CDH12: variants seen among roughly 807,000 people sequenced by gnomAD.
The protein encoded by CDH12 is cadherin-12.
In CDH12, 41 loss-of-function variants were observed where a neutral mutation model predicts 74.1. The observed-to-expected ratio is 0.55, with a 90% CI of 0.43 to 0.72. The LOEUF (loss-of-function observed/expected upper bound fraction) is 0.72. Ranked by LOEUF, CDH12 falls within the 30% of genes least tolerant of loss-of-function variation. CDH12 has a pLI of 0.00. For synonymous variants in CDH12, 399 were observed against 355.0 expected, an observed-to-expected ratio of 1.12 and a Z score of -1.39; for missense variants, 945 against 977.2, an observed-to-expected ratio of 0.97 and a Z score of 0.44.
intron 1 of CDH12, among the ~76,000 whole-genome samples, chr5:22,672,821 A>T (rs1740975545): frequency 6.6e-6 from 1 of 152,176 alleles, no homozygotes; most frequent in African/African-American, 2.4e-5. Flanking sequence ...CTATTCTCTT[A>T]TTGAAATACA....
intron 2 of CDH12, among the ~76,000 whole-genome samples, chr5:22,408,035 C>T (rs1743011568): frequency 6.6e-6 from 1 of 152,042 alleles, no homozygotes; most frequent in Admixed American, 6.6e-5. Flanking sequence ...TCAAAATCTT[C>T]CCATTTCAGT....
At chr5:21,986,359 A>C (rs1757515288) in intron 5 of CDH12, among the ~76,000 whole-genome samples, 1 of 152,170 alleles carries the variant, frequency 6.6e-6, no homozygotes, top group African/African-American at 2.4e-5. Context: ...TACATATAAA[A>C]GCCATCCTAT....
At chr5:21,880,418 G>A (rs1175404682) in intron 6 of CDH12, among the ~76,000 whole-genome samples, 1 of 151,874 alleles carries the variant, frequency 6.6e-6, no homozygotes, top group African/African-American at 2.4e-5. Flanking sequence ...GCACTGGGGT[G>A]CTCTATATAC....
chr5:22,560,818 T>G (rs1739016510), intron 1 of CDH12, among the ~76,000 whole-genome samples: 1 of 152,146 alleles, frequency 6.6e-6, no homozygotes, highest in African/African-American at 2.4e-5. Context: ...TTGTGAAACT[T>G]CTAAGGATCA....
At chr5:22,146,540 C>T (rs968870138) in intron 4 of CDH12, among the ~76,000 whole-genome samples, 3 of 152,022 alleles carry the variant, frequency 2.0e-5, no homozygotes, top group Admixed American at 1.3e-4. Context: ...GGCCTCTACC[C>T]CATTACGTTA....
chr5:22,229,682 T>G (rs1364229081), intron 3 of CDH12, among the ~76,000 whole-genome samples: 3 of 152,114 alleles, frequency 2.0e-5, no homozygotes, highest in African/African-American at 7.2e-5. Flanking sequence ...ATTTTTTGAT[T>G]CTTTAGGAAC....
chr5:22,640,505 A>C (rs567453124), intron 1 of CDH12, among the ~76,000 whole-genome samples: 3 of 152,268 alleles, frequency 2.0e-5, no homozygotes, highest in South Asian at 2.1e-4. Flanking sequence ...ACCCATAATT[A>C]TTTGATCATG....
At chr5:21,842,083 C>T in intron 8 of CDH12, 78 bp downstream of exon 8, 1 of 1,056,598 alleles carries the variant, frequency 9.5e-7, no homozygotes, top group Non-Finnish European at 1.4e-6. Context: ...AAATGATTGT[C>T]ATTCCCATAG....
chr5:22,852,227 A>G (rs1411574196), intron 1 of CDH12, among the ~76,000 whole-genome samples: 1 of 152,328 alleles, frequency 6.6e-6, no homozygotes, highest in Non-Finnish European at 1.5e-5. Context: ...AGAAATGTGT[A>G]TAAGAGATAT....
intron 6 of CDH12, among the ~76,000 whole-genome samples, chr5:21,945,423 C>A (rs1580000184): frequency 1.4e-4 from 2 of 14,718 alleles, no homozygotes; most frequent in Admixed American, 1.1e-3. Flanking sequence ...GAGACTGTTT[C>A]AGACAAAAAA....
chr5:22,763,679 A>T (rs1359233513), intron 1 of CDH12, among the ~76,000 whole-genome samples: 3 of 151,950 alleles, frequency 2.0e-5, no homozygotes, highest in Non-Finnish European at 4.4e-5. Context: ...AGATGGACTC[A>T]TGGGCTCTTT....
At chr5:21,850,100 G>A (rs539852763) in intron 7 of CDH12, among the ~76,000 whole-genome samples, 58 of 151,716 alleles carry the variant, frequency 3.8e-4, no homozygotes, top group African/African-American at 1.4e-3. Context: ...TCTAAAAAAA[G>A]AGGTAACACA....
chr5:21,805,623 T>C (rs1188791566), intron 9 of CDH12, among the ~76,000 whole-genome samples: 3 of 152,062 alleles, frequency 2.0e-5, no homozygotes, highest in African/African-American at 7.2e-5. Context: ...GACAAAATGG[T>C]ATATAGCTCA....
intron 5 of CDH12, among the ~76,000 whole-genome samples, chr5:22,057,573 G>A (rs1740829254): frequency 6.6e-6 from 1 of 152,166 alleles, no homozygotes; most frequent in Non-Finnish European, 1.5e-5. Flanking sequence ...AGTGAACTCT[G>A]TGGAGCCTGT....
chr5:21,892,346 T>C (rs966156154), intron 6 of CDH12, among the ~76,000 whole-genome samples: 6 of 152,150 alleles, frequency 3.9e-5, no homozygotes, highest in Admixed American at 3.9e-4. Flanking sequence ...TGATATGAAC[T>C]TTCCTAGAAT....
chr5:22,682,133 T>C (rs1741527529), intron 1 of CDH12, among the ~76,000 whole-genome samples: 1 of 152,104 alleles, frequency 6.6e-6, no homozygotes, highest in African/African-American at 2.4e-5. Context: ...CTGGCACATA[T>C]GTAATCTGGT....
chr5:22,763,420 A>C (rs555862260), intron 1 of CDH12, among the ~76,000 whole-genome samples: 5 of 152,082 alleles, frequency 3.3e-5, no homozygotes, highest in African/African-American at 9.6e-5. Flanking sequence ...CATGTACATA[A>C]TTTAATTAAC....
intron 3 of CDH12, among the ~76,000 whole-genome samples, chr5:22,302,925 T>C (rs1292937978): frequency 6.6e-6 from 1 of 152,034 alleles, no homozygotes; most frequent in African/African-American, 2.4e-5. Flanking sequence ...ATGTTAACCA[T>C]TAGAGTGAAA....
intron 3 of CDH12, among the ~76,000 whole-genome samples, chr5:22,238,888 C>T (rs1045803127): frequency 6.6e-6 from 1 of 152,100 alleles, no homozygotes; most frequent in Non-Finnish European, 1.5e-5. Flanking sequence ...AATGTCCAAC[C>T]TTTTAGACTT....
Sources: gnomAD v4.1 joint callset for allele counts (sites outside exome capture counted in the v4.1 genomes callset) on GRCh38, gnomAD v4.1.1 for gene constraint, MANE v1.5 for transcripts, NCBI Gene and HGNC (gene_info 2026-07-23, HGNC 2026-07-21) for gene names.